AACS: variants seen among roughly 807,000 people sequenced by gnomAD.
The protein encoded by AACS is acetoacetate-CoA ligase.
In AACS, 69 loss-of-function variants were observed where a neutral mutation model predicts 83.1. The ratio of observed to expected loss-of-function variants is 0.83; its 90% confidence interval spans 0.68 to 1.01. The LOEUF (loss-of-function observed/expected upper bound fraction) is 1.01, where lower values mean the gene tolerates loss of function less well. AACS is among the 50% of genes least tolerant of loss of function. The pLI, the probability that AACS is intolerant of heterozygous loss-of-function variation, is 0.00. For missense variants in AACS, 866 were observed against 882.2 expected, an observed-to-expected ratio of 0.98 and a Z score of 0.23; for synonymous variants, 333 against 343.4, an observed-to-expected ratio of 0.97 and a Z score of 0.33.
intron 12 of AACS, among the ~76,000 whole-genome samples, 197 bp downstream of exon 12, chr12:125,125,221 C>T (rs368211625): frequency 6.6e-6 from 1 of 152,182 alleles, no homozygotes; most frequent in Admixed American, 6.5e-5. Context: ...AACCCTTGCT[C>T]CTGGGGGAAA....
chr12:125,117,385 G>A (rs1957073355), intron 9 of AACS, among the ~76,000 whole-genome samples: 1 of 151,754 alleles, frequency 6.6e-6, no homozygotes, highest in South Asian at 2.1e-4. Flanking sequence ...CTGCACTCCA[G>A]CCTAGGTGAC....
intron 13 of AACS, 92 bp downstream of exon 13, chr12:125,128,366 C>A: frequency 8.6e-7 from 1 of 1,156,188 alleles, no homozygotes. Flanking sequence ...GGACATAGTT[C>A]TCCAAAACAG....
In AACS at chr12:125,142,124, C is replaced by G; in HGVS notation, c.1914C>G (p.Ala638=). 2 of 1,614,104 alleles carry G rather than the reference C, an allele frequency of 1.2e-6. No homozygotes were observed. Among genetic ancestry groups the G allele is most frequent in the Non-Finnish European group, 1.7e-6 (2 of 1,180,028 alleles). ...TCAACGGCAAGAAAGTGGAAGTTGCCGTCAAACAGATCATCGCTGGAAAAG... is the reference window on the plus strand; with the variant it reads ...TCAACGGCAAGAAAGTGGAAGTTGCGGTCAAACAGATCATCGCTGGAAAAG... ...YTLNGKKVEV[A]VKQIIAGKAV... The change falls in exon 18 of 18, where the codon GCC becomes GCG. Residue 638 remains alanine, a synonymous_variant. Transcript: ENST00000316519.
chr12:125,079,107 G>A (rs993444746), intron 3 of AACS, among the ~76,000 whole-genome samples: 2 of 152,136 alleles, frequency 1.3e-5, no homozygotes, highest in African/African-American at 4.8e-5. Context: ...CCGCACCTCT[G>A]CGGAAGTCAT....
chr12:125,103,199 T>G, intron 7 of AACS, 118 bp downstream of exon 7: 1 of 840,612 alleles, frequency 1.2e-6, no homozygotes. Flanking sequence ...GTGGAGGAGG[T>G]TTTAGTTAAA....
intron 1 of AACS, among the ~76,000 whole-genome samples, chr12:125,072,204 C>G (rs1447054554): frequency 6.6e-6 from 1 of 150,990 alleles, no homozygotes; most frequent in Admixed American, 6.6e-5. Context: ...CCCACCCAGG[C>G]TGGAGTGCAG....
chr12:125,124,545 G>A (rs1957213227), intron 10 of AACS, 160 bp from the exon 11 acceptor site: 12 of 747,734 alleles, frequency 1.6e-5, no homozygotes, highest in Middle Eastern at 3.8e-4. Context: ...GTCAGGTGCC[G>A]TGACTCAGAC....
At chr12:125,107,690 A>G (rs1346068922) in intron 8 of AACS, among the ~76,000 whole-genome samples, 1 of 152,240 alleles carries the variant, frequency 6.6e-6, no homozygotes, top group Non-Finnish European at 1.5e-5. Flanking sequence ...GCCAGACGCA[A>G]TGGCCCACAC....
chr12:125,077,276 C>T (rs1018939081), intron 3 of AACS, among the ~76,000 whole-genome samples: 1 of 151,650 alleles, frequency 6.6e-6, no homozygotes, highest in African/African-American at 2.4e-5. Flanking sequence ...TTTGGGAGGC[C>T]AAGGTGGGCG....
intron 3 of AACS, among the ~76,000 whole-genome samples, chr12:125,083,049 G>C (rs1249856292): frequency 6.6e-6 from 1 of 152,202 alleles, no homozygotes; most frequent in Non-Finnish European, 1.5e-5. Flanking sequence ...CCATAGTTTA[G>C]AACAAACATT....
In AACS at chr12:125,090,750, C is replaced by T. The variant is rs112135628; in HGVS notation, c.473-676C>T. Reference sequence around the variant, plus strand: ...ATCCATCCATCCATCCATCTGCCAGCCGGCAAATATATGAGGACCCTTGAT... The same window carrying T: ...ATCCATCCATCCATCCATCTGCCAGTCGGCAAATATATGAGGACCCTTGAT... On this transcript the variant is annotated intron_variant, in intron 4 of 17. Coordinates refer to ENST00000316519, the MANE Select transcript of AACS (RefSeq NM_023928.5). Among the ~76,000 whole-genome samples, 1,221 of 152,272 alleles carry T rather than the reference C, an allele frequency of 8.0e-3. 20 individuals are homozygous for T. The highest frequency in any genetic ancestry group is 0.028 in the African/African-American group (1,154 of 41,498).
At chr12:125,070,986 C>A (rs1430213947) in intron 1 of AACS, among the ~76,000 whole-genome samples, 1 of 152,158 alleles carries the variant, frequency 6.6e-6, no homozygotes, top group African/African-American at 2.4e-5. Flanking sequence ...CGACTTAAAA[C>A]AAGAATAAAC....
At chr12:125,125,112 A>T (rs2136126396) in intron 12 of AACS, 88 bp downstream of exon 12, 3 of 1,575,272 alleles carry the variant, frequency 1.9e-6, no homozygotes, top group Admixed American at 3.4e-5. Context: ...GATTCATCCC[A>T]AGGACACAGT....
intron 9 of AACS, among the ~76,000 whole-genome samples, chr12:125,116,451 A>T (rs1420084289): frequency 6.6e-6 from 1 of 151,832 alleles, no homozygotes; most frequent in Non-Finnish European, 1.5e-5. Flanking sequence ...GTGTTCTTTT[A>T]TTTTTATTTT....
intron 12 of AACS, among the ~76,000 whole-genome samples, chr12:125,125,248 C>T (rs1230648676): frequency 6.6e-6 from 1 of 152,260 alleles, no homozygotes; most frequent in Non-Finnish European, 1.5e-5. Context: ...TATGTACACA[C>T]ACACACCTCT....
At chr12:125,104,016 A>G in intron 7 of AACS, among the ~76,000 whole-genome samples, 1 of 148,352 alleles carries the variant, frequency 6.7e-6, no homozygotes, top group East Asian at 1.9e-4. Context: ...AAAAAAAAAA[A>G]AAAGAATCTT....
At position 125,129,481 on chromosome 12, in the gene AACS, CAG is replaced by C. The variant is rs1957298127; in HGVS notation, c.1549+24_1549+25del. On this transcript the variant is annotated intron_variant, in intron 14 of 17. Coordinates refer to ENST00000316519, the MANE Select transcript of AACS (RefSeq NM_023928.5). The surrounding 1 kb of genome is among the most constrained non-coding windows in gnomAD (Gnocchi z 4.3). ...CCCAGGTCGGTTGGAGAGATGCAGACAGAGCTGGCCAGCCTCTGCCTTGGCTG... is the reference window on the plus strand; with the variant it reads ...CCCAGGTCGGTTGGAGAGATGCAGACAGCTGGCCAGCCTCTGCCTTGGCTG... 1.2e-6 allele frequency: 2 copies of C among 1,608,876 alleles called. No individual in the cohort carries two copies. Among genetic ancestry groups the C allele is most frequent in the African/African-American group, 2.7e-5 (2 of 74,842 alleles).
Position 125,142,165 on chromosome 12 carries a change from G to A in AACS, c.1955G>A (p.Gly652Asp), listed in dbSNP as rs1957509637. ...IIAGKAVEQG[G>D]AFSNPETLDL... ...GCTGGAAAAGCCGTGGAGCAAGGAG[G>A]TGCTTTCTCGAACCCCGAGACCCTG... The change falls in exon 18 of 18, where the codon GGT becomes GAT. Residue 652 changes from glycine to aspartate, a missense_variant. Coordinates refer to ENST00000316519, the MANE Select transcript of AACS (RefSeq NM_023928.5). The A allele has an allele frequency of 1.2e-6, 2 of 1,614,060 alleles. No individual in the cohort carries two copies. The highest frequency in any genetic ancestry group is 2.2e-5 in the East Asian group (1 of 44,898).
chr12:125,126,837 CCT>C (rs1301635473), intron 12 of AACS: 1 of 152,078 alleles, frequency 6.6e-6, no homozygotes, highest in Non-Finnish European at 1.5e-5. Context: ...CCCACCTTGG[CCT>C]CCCAAAATGA....
Sources: gnomAD v4.1 joint callset for allele counts (sites outside exome capture counted in the v4.1 genomes callset) on GRCh38, gnomAD v4.1.1 for gene constraint, Gnocchi (gnomAD v3.1) non-coding constraint, MANE v1.5 for transcripts, NCBI Gene and HGNC (gene_info 2026-07-23, HGNC 2026-07-21) for gene names.